GMDS: variants seen among roughly 807,000 people sequenced by gnomAD.
GMDS encodes GDP-mannose 4,6-dehydratase.
GMDS carries 20 observed loss-of-function variants against 49.9 expected under a neutral mutation model. The observed-to-expected ratio is 0.40, with a 90% confidence interval of 0.28 to 0.58. The LOEUF (loss-of-function observed/expected upper bound fraction) is 0.58. Among genes scored for constraint, GMDS ranks in the 20% least tolerant of loss-of-function variants. The pLI is 0.42. For missense variants in GMDS, 362 were observed against 481.4 expected (o/e 0.75, Z 2.32); for synonymous variants, 177 against 178.6 (o/e 0.99, Z 0.07).
At position 1,666,779 on chromosome 6, in the gene GMDS, A is replaced by G. The variant is rs189894679; in HGVS notation, c.988-42239T>C. 7.0e-3 allele frequency among the ~76,000 whole-genome samples: 1,063 copies of G among 152,320 alleles called. 48 individuals are homozygous for G. Among genetic ancestry groups the G allele is most frequent in the Admixed American group, 0.065 (993 of 15,308 alleles). Reference sequence around the variant, plus strand: ...ATTTACATTTTTGGTCCTCAAGGTCACAGTGTCCTTCTAAGCGGAACGATA... The same window carrying G: ...ATTTACATTTTTGGTCCTCAAGGTCGCAGTGTCCTTCTAAGCGGAACGATA... On this transcript the variant is annotated intron_variant, in intron 9 of 10. Coordinates refer to ENST00000380815, the MANE Select transcript of GMDS (RefSeq NM_001500.4).
At chr6:2,025,353 GT>G (rs1581534135) in intron 4 of GMDS, among the ~76,000 whole-genome samples, 1 of 131,038 alleles carries the variant, frequency 7.6e-6, no homozygotes, top group East Asian at 2.2e-4. Flanking sequence ...AAATCTGATG[GT>G]GGGGTGTGTG....
intron 1 of GMDS, among the ~76,000 whole-genome samples, chr6:2,218,223 G>C (rs1318237864): frequency 1.3e-5 from 2 of 152,176 alleles, no homozygotes; most frequent in Non-Finnish European, 2.9e-5. Flanking sequence ...GGAAAAGAAA[G>C]AGAAGAAAGT....
chr6:1,824,827 C>T (rs1046454915), intron 7 of GMDS, among the ~76,000 whole-genome samples: 2 of 152,092 alleles, frequency 1.3e-5, no homozygotes, highest in Admixed American at 1.3e-4. Context: ...TATCCTCACT[C>T]CCAGTAACGA....
At chr6:1,631,494 T>TC (rs1397101806) in intron 9 of GMDS, among the ~76,000 whole-genome samples, 2 of 151,842 alleles carry the variant, frequency 1.3e-5, no homozygotes, top group African/African-American at 2.4e-5. Context: ...CTTAGAAATG[T>TC]CCCCCCCTCC....
In GMDS at chr6:2,219,502, C is replaced by A. The variant is rs115084341; in HGVS notation, c.102+25819G>T. Among the ~76,000 whole-genome samples, 833 of 152,248 alleles carry A rather than the reference C, an allele frequency of 5.5e-3. 2 individuals are homozygous for A. The highest frequency in any genetic ancestry group is 0.017 in the Middle Eastern group (5 of 294). ...GTAAAGAACTAGTTATTGTCAGCAT[C>A]CTCATTTTAAATTTCTAATCCATCA... On this transcript the variant is annotated intron_variant, in intron 1 of 10. Coordinates refer to ENST00000380815, the MANE Select transcript of GMDS (RefSeq NM_001500.4).
At chr6:2,166,568 C>A (rs1289367315) in intron 1 of GMDS, among the ~76,000 whole-genome samples, 1 of 152,168 alleles carries the variant, frequency 6.6e-6, no homozygotes, top group South Asian at 2.1e-4. Flanking sequence ...TCATACTACT[C>A]CTCACAATCA....
rs146242451 is a variant in GMDS, at chr6:1,656,835, G to A, written c.988-32295C>T. 3.9e-5 allele frequency among the ~76,000 whole-genome samples: 6 copies of A among 152,006 alleles called. No individual in the cohort carries two copies. In the East Asian group the frequency reaches 7.7e-4, roughly 20 times the overall value. On this transcript the variant is annotated intron_variant, in intron 9 of 10. Transcript: ENST00000380815. ...GCTGTACACGGTGCCTCCTTCTACC[G>A]TATAACTGAGATACTACCTGTACAG... is the stretch of plus-strand genomic sequence containing the variant.
intron 9 of GMDS, among the ~76,000 whole-genome samples, chr6:1,687,849 G>A (rs1274875763): frequency 1.3e-5 from 2 of 152,088 alleles, no homozygotes; most frequent in Non-Finnish European, 2.9e-5. Flanking sequence ...GGGTAAGAGG[G>A]CAGGAGCTAA....
chr6:2,029,168 C>G (rs1202758533), intron 4 of GMDS, among the ~76,000 whole-genome samples: 2 of 152,220 alleles, frequency 1.3e-5, no homozygotes, highest in African/African-American at 2.4e-5. Context: ...AAATATTAAT[C>G]TAAATTTAAT....
chr6:1,636,810 G>A (rs1057436125), intron 9 of GMDS, among the ~76,000 whole-genome samples: 10 of 152,244 alleles, frequency 6.6e-5, no homozygotes, highest in African/African-American at 2.4e-4. Context: ...CCTGCCCAAG[G>A]TTCTGTGCAG....
Position 1,801,932 on chromosome 6 carries a change from C to A in GMDS, c.772-59346G>T, listed in dbSNP as rs183673201. ...GAGAAAGACTTCATCTAATGCTACC[C>A]TCCCACCCCGAATAAAAACGGCACT... On this transcript the variant is annotated intron_variant, in intron 7 of 10. Transcript: ENST00000380815. Among the ~76,000 whole-genome samples, 27 of 152,282 alleles carry A rather than the reference C, an allele frequency of 1.8e-4. 1 individual carries two copies. The highest frequency in any genetic ancestry group is 6.5e-4 in the African/African-American group (27 of 41,548).
intron 2 of GMDS, among the ~76,000 whole-genome samples, chr6:2,123,253 C>G (rs1775240233): frequency 6.6e-6 from 1 of 152,220 alleles, no homozygotes; most frequent in South Asian, 2.1e-4. Context: ...CTCCTCTGGA[C>G]TAGACACAGA....
chr6:1,651,430 C>A (rs868828893), intron 9 of GMDS, among the ~76,000 whole-genome samples: 2 of 152,172 alleles, frequency 1.3e-5, no homozygotes, highest in Non-Finnish European at 2.9e-5. Flanking sequence ...TAGATGTTCT[C>A]CTGGAGCCTC....
At chr6:1,826,951 T>C (rs981626761) in intron 7 of GMDS, among the ~76,000 whole-genome samples, 2 of 151,934 alleles carry the variant, frequency 1.3e-5, no homozygotes, top group Admixed American at 1.3e-4. Context: ...CCTGTAGTCC[T>C]AGCTACTTGG....
chr6:1,709,861 A>C (rs749703756), intron 9 of GMDS, among the ~76,000 whole-genome samples: 1 of 152,246 alleles, frequency 6.6e-6, no homozygotes, highest in Non-Finnish European at 1.5e-5. Context: ...CAACAAATAC[A>C]GTCCTTTGGT....
chr6:2,245,500 G>T lies in GMDS; in HGVS notation c.-78C>A. 3 of 776,562 alleles carry T rather than the reference G, an allele frequency of 3.9e-6. No individual in the cohort carries two copies. Among genetic ancestry groups the T allele is most frequent in the Non-Finnish European group, 5.5e-6 (3 of 544,950 alleles). 48.1% of individuals were successfully genotyped at this position (776,562 alleles called of 1,614,324 possible). On this transcript the variant is annotated 5_prime_UTR_variant, in exon 1 of 11. Transcript: ENST00000380815. ...GCGCGGTGCCGGCAGGAACGCGGGG[G>T]TGTGCAGCACGAAGCGCCTCTCCAG...
intron 4 of GMDS, among the ~76,000 whole-genome samples, chr6:2,087,412 T>A (rs1773074740): frequency 6.6e-6 from 1 of 152,234 alleles, no homozygotes; most frequent in Non-Finnish European, 1.5e-5. Flanking sequence ...GTGATAATAA[T>A]CTATCAGAAA....
chr6:1,800,690 C>G (rs879742295), intron 7 of GMDS, among the ~76,000 whole-genome samples: 81 of 151,600 alleles, frequency 5.3e-4, no homozygotes, highest in Non-Finnish European at 1.0e-3. Flanking sequence ...TCTTGAACTC[C>G]TGACCTCAGT....
chr6:1,669,650 T>C (rs891809914), intron 9 of GMDS, among the ~76,000 whole-genome samples: 16 of 152,224 alleles, frequency 1.1e-4, no homozygotes, highest in Non-Finnish European at 2.1e-4. Flanking sequence ...CAGTGGCTCA[T>C]GCCTGTAATC....
Sources: gnomAD v4.1 joint callset for allele counts (sites outside exome capture counted in the v4.1 genomes callset) on GRCh38, gnomAD v4.1.1 for gene constraint, MANE v1.5 for transcripts, NCBI Gene and HGNC (gene_info 2026-07-23, HGNC 2026-07-21) for gene names.